The following NRG3 variants were observed in gnomAD, a reference collection of about 807,000 sequenced individuals.
NRG3 encodes neuregulin 3, also known as pro-neuregulin-3, membrane-bound isoform.
A neutral mutation model predicts 66.9 loss-of-function variants in NRG3; 31 were observed. The observed-to-expected ratio is 0.46, with a 90% confidence interval of 0.35 to 0.63. NRG3 has a LOEUF of 0.63. NRG3 is among the 20% of genes least tolerant of loss of function. The probability of loss-of-function intolerance (pLI) is 0.00; values close to 1 mark genes in which losing one functional copy is unlikely to be tolerated. For synonymous variants in NRG3, 393 were observed against 359.4 expected, an observed-to-expected ratio of 1.09 and a Z score of -1.06; for missense variants, 910 against 878.9, an observed-to-expected ratio of 1.04 and a Z score of -0.45.
chr10:82,042,221 T>A (rs914111770), intron 1 of NRG3, among the ~76,000 whole-genome samples: 3 of 152,086 alleles, frequency 2.0e-5, no homozygotes, highest in Non-Finnish European at 4.4e-5. Flanking sequence ...ATATTTAATT[T>A]ATTGAAAAAT....
intron 1 of NRG3, among the ~76,000 whole-genome samples, chr10:82,322,550 A>T (rs1211546267): frequency 1.4e-5 from 2 of 140,948 alleles, no homozygotes; most frequent in African/African-American, 5.7e-5. Flanking sequence ...TTTTTTTTTA[A>T]AATTTTGCTT....
intron 1 of NRG3, among the ~76,000 whole-genome samples, chr10:81,918,120 T>G (rs1266371685): frequency 1.3e-5 from 2 of 152,246 alleles, no homozygotes; most frequent in African/African-American, 4.8e-5. Context: ...TTGGTCACCA[T>G]TTGACATTTT....
intron 1 of NRG3, among the ~76,000 whole-genome samples, chr10:82,288,194 C>T (rs1214950337): frequency 2.0e-5 from 3 of 152,060 alleles, no homozygotes; most frequent in Non-Finnish European, 4.4e-5. Flanking sequence ...TATAGATTTA[C>T]TGAATAGGGA....
At chr10:82,617,143 ACACACCACTCACACACACAC>A (rs1195915475) in intron 2 of NRG3, among the ~76,000 whole-genome samples, 3 of 152,086 alleles carry the variant, frequency 2.0e-5, no homozygotes, top group African/African-American at 7.2e-5. Context: ...ACATGCACAC[ACACACCACTCACACACACAC>A]CACACAGACA....
At chr10:82,131,069 T>G (rs573300331) in intron 1 of NRG3, among the ~76,000 whole-genome samples, 36 of 152,334 alleles carry the variant, frequency 2.4e-4, no homozygotes, top group African/African-American at 8.4e-4. Flanking sequence ...TGTCTATTTT[T>G]GCTTTGGTTG....
At chr10:82,521,247 A>G (rs572305090) in intron 2 of NRG3, among the ~76,000 whole-genome samples, 39 of 152,312 alleles carry the variant, frequency 2.6e-4, no homozygotes, top group African/African-American at 9.1e-4. Context: ...CTGAGCTTTC[A>G]GGGAGTCCTA....
chr10:82,493,707 G>A (rs1269735786), intron 2 of NRG3, among the ~76,000 whole-genome samples: 1 of 152,120 alleles, frequency 6.6e-6, no homozygotes, highest in Non-Finnish European at 1.5e-5. Flanking sequence ...CATGATGAAA[G>A]TGCCAAAAGC....
chr10:81,976,988 G>A (rs2060148529), intron 1 of NRG3, among the ~76,000 whole-genome samples: 1 of 152,160 alleles, frequency 6.6e-6, no homozygotes, highest in African/African-American at 2.4e-5. Flanking sequence ...CATAATACCA[G>A]TTTCTAGGTA....
chr10:81,959,027 A>C (rs570039160), intron 1 of NRG3, among the ~76,000 whole-genome samples: 56 of 152,342 alleles, frequency 3.7e-4, no homozygotes, highest in African/African-American at 1.3e-3. Context: ...GATGAAATGA[A>C]TATTTCAGAA....
chr10:82,546,002 C>T (rs2043889613), intron 2 of NRG3, among the ~76,000 whole-genome samples: 1 of 151,702 alleles, frequency 6.6e-6, no homozygotes, highest in African/African-American at 2.4e-5. Flanking sequence ...ATCTCCTGAC[C>T]TCGTGATCCG....
intron 1 of NRG3, among the ~76,000 whole-genome samples, chr10:81,894,207 G>A (rs1478877648): frequency 6.6e-6 from 1 of 152,126 alleles, no homozygotes; most frequent in Non-Finnish European, 1.5e-5. Flanking sequence ...TGGGCATGGT[G>A]GTTTGTGCCT....
At chr10:82,421,212 T>C (rs980823510) in intron 2 of NRG3, among the ~76,000 whole-genome samples, 2 of 152,144 alleles carry the variant, frequency 1.3e-5, no homozygotes, top group South Asian at 4.1e-4. Context: ...TCATATCTGT[T>C]GTCATTTTCC....
intron 2 of NRG3, among the ~76,000 whole-genome samples, chr10:82,420,057 A>G (rs1237915633): frequency 6.6e-6 from 1 of 152,104 alleles, no homozygotes; most frequent in Non-Finnish European, 1.5e-5. Flanking sequence ...TGGCCTGCAA[A>G]TCTTTTCTCA....
chr10:82,674,507 T>C (rs934014029), intron 2 of NRG3, among the ~76,000 whole-genome samples: 1 of 152,200 alleles, frequency 6.6e-6, no homozygotes, highest in Non-Finnish European at 1.5e-5. Flanking sequence ...CACTTAAACA[T>C]GGCTTAAGTA....
chr10:82,521,441 C>T lies in NRG3; in HGVS notation c.953+162573C>T, dbSNP rs376048363. Among the ~76,000 whole-genome samples, 68 of 151,978 alleles carry T rather than the reference C, an allele frequency of 4.5e-4. 1 individual carries two copies. The highest frequency in any genetic ancestry group is 1.6e-3 in the African/African-American group (68 of 41,442). On this transcript the variant is annotated intron_variant, in intron 2 of 8. Transcript: ENST00000372141. ...CTGCAAGCCCTGTCTCCCGGGTTCA[C>T]GCCATTCTCCTGCCTCAGTCTCCCG...
At chr10:82,606,768 A>G (rs2047991169) in intron 2 of NRG3, among the ~76,000 whole-genome samples, 1 of 152,128 alleles carries the variant, frequency 6.6e-6, no homozygotes, top group Non-Finnish European at 1.5e-5. Flanking sequence ...TCTGACACCG[A>G]ACATTTTTAC....
At chr10:82,384,784 G>C (rs1464641192) in intron 2 of NRG3, among the ~76,000 whole-genome samples, 1 of 151,992 alleles carries the variant, frequency 6.6e-6, no homozygotes, top group Non-Finnish European at 1.5e-5. Context: ...TATTCCTTTG[G>C]GTATATACCC....
intron 2 of NRG3, among the ~76,000 whole-genome samples, chr10:82,540,900 G>C (rs1482844982): frequency 6.6e-6 from 1 of 152,146 alleles, no homozygotes; most frequent in Non-Finnish European, 1.5e-5. Flanking sequence ...TTAGAGATAA[G>C]GCCTTTAAAG....
intron 1 of NRG3, chr10:81,877,656 GA>G (rs2132441055): frequency 8.0e-7 from 1 of 1,243,482 alleles, no homozygotes. Context: ...CTTTGCTTTG[GA>G]AAAAACCGTC....
Sources: gnomAD v4.1 joint callset for allele counts (sites outside exome capture counted in the v4.1 genomes callset) on GRCh38, gnomAD v4.1.1 for gene constraint, MANE v1.5 for transcripts, NCBI Gene and HGNC (gene_info 2026-07-23, HGNC 2026-07-21) for gene names.